Variants in LTBP1 observed in about 807,000 individuals in gnomAD.
LTBP1 encodes latent-transforming growth factor beta-binding protein 1.
Under a neutral mutation model 207.6 loss-of-function variants are expected in LTBP1, and 129 were observed. The ratio of observed to expected loss-of-function variants is 0.62; its 90% CI spans 0.54 to 0.72. The LOEUF (loss-of-function observed/expected upper bound fraction) is 0.72. LTBP1 is among the 30% of genes least tolerant of loss of function. LTBP1 has a pLI of 0.00. For missense variants in LTBP1, 2,281 were observed against 2,217.2 expected, an observed-to-expected ratio of 1.03 and a Z score of -0.58; for synonymous variants, 963 against 833.7, an observed-to-expected ratio of 1.16 and a Z score of -2.67.
intron 2 of LTBP1, among the ~76,000 whole-genome samples, chr2:32,961,739 A>C (rs980418777): frequency 2.0e-5 from 3 of 152,056 alleles, no homozygotes; most frequent in African/African-American, 7.2e-5. Flanking sequence ...TGAGGTCAGG[A>C]GTTCGAGACC....
intron 24 of LTBP1, among the ~76,000 whole-genome samples, chr2:33,330,598 C>T (rs1229164100): frequency 1.3e-5 from 2 of 151,266 alleles, no homozygotes; most frequent in African/African-American, 4.9e-5. Flanking sequence ...TTTTCTGCAT[C>T]TGTTGAAATA....
At chr2:32,998,905 C>A (rs952922075) in intron 2 of LTBP1, among the ~76,000 whole-genome samples, 1 of 152,216 alleles carries the variant, frequency 6.6e-6, no homozygotes, top group African/African-American at 2.4e-5. Context: ...CACTCAGTTC[C>A]TGGTATTTTG....
intron 5 of LTBP1, among the ~76,000 whole-genome samples, chr2:33,166,464 T>G (rs149594847): frequency 2.3e-4 from 35 of 152,328 alleles, no homozygotes; most frequent in African/African-American, 7.7e-4. Context: ...AATTTACTTT[T>G]CTTCCATGTC....
intron 3 of LTBP1, among the ~76,000 whole-genome samples, chr2:33,052,053 G>T (rs1257466597): frequency 6.6e-6 from 1 of 152,208 alleles, no homozygotes; most frequent in Admixed American, 6.5e-5. Context: ...GACTTTTAGG[G>T]TTACAGCCTG....
At chr2:33,291,580 T>A (rs1213622123) in intron 19 of LTBP1, 1 of 152,208 alleles carries the variant, frequency 6.6e-6, no homozygotes, top group Non-Finnish European at 1.5e-5. Flanking sequence ...AAAGGGTGGT[T>A]AATGAGTCAG....
intron 24 of LTBP1, among the ~76,000 whole-genome samples, chr2:33,331,743 A>AT (rs2094496449): frequency 1.3e-5 from 2 of 152,074 alleles, no homozygotes; most frequent in Non-Finnish European, 2.9e-5. Context: ...ATCCCTACCG[A>AT]TTTTTTGTCT....
At position 33,263,412 on chromosome 2, in the gene LTBP1, AT is replaced by A. The variant is rs2093077211; in HGVS notation, c.2617+22del. On this transcript the variant is annotated intron_variant, in intron 15 of 33. Coordinates refer to ENST00000404816, the MANE Select transcript of LTBP1 (RefSeq NM_206943.4). Reference sequence around the variant, plus strand: ...TGACAGGTTGGTGCAGTATTTTTACATTATATATCACATGGAGGAGACGTGG... The same window carrying A: ...TGACAGGTTGGTGCAGTATTTTTACATATATATCACATGGAGGAGACGTGG... The A allele has an allele frequency of 6.4e-7, 1 of 1,562,454 alleles. No homozygotes were observed. The highest frequency in any genetic ancestry group is 1.3e-5 in the African/African-American group (1 of 74,338).
chr2:33,178,381 T>C lies in LTBP1; in HGVS notation c.1202-8475T>C, dbSNP rs529451081. 5.9e-5 allele frequency among the ~76,000 whole-genome samples: 9 copies of C among 152,318 alleles called. 2 individuals are homozygous for C. The highest frequency in any genetic ancestry group is 2.2e-4 in the African/African-American group (9 of 41,572). On this transcript the variant is annotated intron_variant, in intron 5 of 33. Transcript: ENST00000404816. ...TAGCGCACAGCAATGGCGAGGTTGATGATAAATGAACAGGAAGCTATAAAC... is the reference window on the plus strand; with the variant it reads ...TAGCGCACAGCAATGGCGAGGTTGACGATAAATGAACAGGAAGCTATAAAC...
chr2:33,395,368 G>T (rs1574157486), intron 32 of LTBP1, among the ~76,000 whole-genome samples: 1 of 152,052 alleles, frequency 6.6e-6, no homozygotes, highest in Non-Finnish European at 1.5e-5. Flanking sequence ...TACTTCATAC[G>T]TGAGAAAAAT....
intron 4 of LTBP1, among the ~76,000 whole-genome samples, chr2:33,132,206 A>T (rs1488207671): frequency 6.6e-6 from 1 of 152,220 alleles, no homozygotes; most frequent in African/African-American, 2.4e-5. Flanking sequence ...AGTATCCTCA[A>T]GATATTTGTA....
intron 7 of LTBP1, among the ~76,000 whole-genome samples, chr2:33,215,948 C>T (rs1426246921): frequency 1.3e-5 from 2 of 151,986 alleles, no homozygotes; most frequent in African/African-American, 4.8e-5. Context: ...CTCCTGACCT[C>T]GTGATCTGCC....
At chr2:33,255,456 A>G (rs2147791283) in intron 11 of LTBP1, among the ~76,000 whole-genome samples, 2 of 152,230 alleles carry the variant, frequency 1.3e-5, no homozygotes, top group East Asian at 3.9e-4. Context: ...TAGAAATACC[A>G]TTTGACCCAG....
intron 2 of LTBP1, among the ~76,000 whole-genome samples, chr2:32,974,883 G>A (rs1050230093): frequency 2.0e-5 from 3 of 152,146 alleles, no homozygotes; most frequent in African/African-American, 2.4e-5. Flanking sequence ...TTACATTCAA[G>A]GTTAATACTG....
chr2:33,274,404 A>G (rs1449563611), intron 16 of LTBP1, among the ~76,000 whole-genome samples: 1 of 152,138 alleles, frequency 6.6e-6, no homozygotes, highest in Admixed American at 6.5e-5. Context: ...CAACAAAGGA[A>G]CATATCTAAT....
rs764277438 is a variant in LTBP1, at chr2:33,275,786, A to G, written c.2870-15A>G. ...TTGGAACACAAAACTCAACAATGCT[A>G]TCTGCTCTTCGTAGATGTTGACGAA... On this transcript the variant is annotated splice_polypyrimidine_tract_variant and intron_variant, in intron 17 of 33. Transcript: ENST00000404816. 11 of 1,613,888 alleles carry G rather than the reference A, an allele frequency of 6.8e-6. No homozygotes were observed. The South Asian group carries it at 1.1e-4, about 16-fold the overall frequency.
At chr2:33,107,731 C>G (rs906999519) in intron 3 of LTBP1, among the ~76,000 whole-genome samples, 1 of 152,178 alleles carries the variant, frequency 6.6e-6, no homozygotes, top group Non-Finnish European at 1.5e-5. Context: ...TTACCTGTAA[C>G]TTTAAGGGTA....
intron 19 of LTBP1, among the ~76,000 whole-genome samples, chr2:33,288,871 GAAA>G (rs1171285669): frequency 6.8e-6 from 1 of 147,876 alleles, no homozygotes; most frequent in African/African-American, 2.5e-5. Context: ...AAAAAAAAAA[GAAA>G]AAAGAAAAGA....
intron 31 of LTBP1, among the ~76,000 whole-genome samples, chr2:33,386,384 G>C (rs933495318): frequency 6.6e-6 from 1 of 152,094 alleles, no homozygotes; most frequent in African/African-American, 2.4e-5. Flanking sequence ...GCATGTCTAG[G>C]GGAGTGCACT....
chr2:33,243,633 T>C, intron 9 of LTBP1, 29 bp from the exon 10 acceptor site: 1 of 1,611,866 alleles, frequency 6.2e-7, no homozygotes, highest in African/African-American at 1.3e-5. Flanking sequence ...GCTTGACTGC[T>C]CCTTCTAAAG....
Sources: gnomAD v4.1 joint callset for allele counts (sites outside exome capture counted in the v4.1 genomes callset) on GRCh38, gnomAD v4.1.1 for gene constraint, MANE v1.5 for transcripts, NCBI Gene and HGNC (gene_info 2026-07-23, HGNC 2026-07-21) for gene names.